Variants in SLC19A1 observed in about 807,000 individuals in gnomAD.
The protein encoded by SLC19A1 is solute carrier family 19 member 1.
A neutral mutation model predicts 35.3 loss-of-function variants in SLC19A1; 37 were observed. That is an observed-to-expected ratio of 1.05 (90% CI 0.81 to 1.38). The LOEUF is 1.38. Ranked by LOEUF, SLC19A1 falls within the 40% of genes most tolerant of loss-of-function variation. SLC19A1 has a pLI of 0.00. For synonymous variants in SLC19A1, 460 were observed against 398.5 expected (o/e 1.15, Z -1.84); for missense variants, 831 against 826.9 (o/e 1.00, Z -0.06).
intron 3 of SLC19A1, among the ~76,000 whole-genome samples, chr21:45,503,167 A>C (rs577249131): frequency 6.6e-6 from 1 of 152,296 alleles, no homozygotes; most frequent in South Asian, 2.1e-4. Context: ...CAATGGTTGA[A>C]CTAGTTTACA....
intron 2 of SLC19A1, among the ~76,000 whole-genome samples, chr21:45,536,941 C>T (rs1406211703): frequency 6.6e-6 from 1 of 152,188 alleles, no homozygotes; most frequent in African/African-American, 2.4e-5. Context: ...GCTTCGGATA[C>T]GGCCGCTCCC....
rs775144154 is a variant in SLC19A1, at chr21:45,531,904, C to A, written c.434G>T (p.Arg145Leu). ...GGCCACACGCTGGTAGCGCGCGGGC[C>A]GCACGAGAGAGAAGATGTAGGAGGA... ...AYSSYIFSLV[R>L]PARYQRVAGY... The change falls in exon 3 of 6, where the codon CGG becomes CTG. Residue 145 changes from arginine to leucine, a missense_variant. By Grantham distance (102) the Arg-to-Leu change is moderately radical. Transcript: ENST00000311124. 1.3e-6 allele frequency: 2 copies of A among 1,590,774 alleles called. No individual in the cohort carries two copies. Among genetic ancestry groups the A allele is most frequent in the Middle Eastern group, 1.7e-4 (1 of 6,034 alleles).
At chr21:45,556,956 G>A (rs765897438) in intron 1 of SLC19A1, among the ~76,000 whole-genome samples, 11 of 151,610 alleles carry the variant, frequency 7.3e-5, no homozygotes, top group East Asian at 1.9e-4. Context: ...CTGGGACGGC[G>A]ACTCAGATGC....
chr21:45,536,049 C>T (rs1036992621), intron 2 of SLC19A1: 4 of 340,762 alleles, frequency 1.2e-5, no homozygotes, highest in Admixed American at 6.1e-5. Flanking sequence ...AAGTTCTTGT[C>T]GGGCCCCAGG....
intron 1 of SLC19A1, among the ~76,000 whole-genome samples, chr21:45,549,506 T>G (rs1490921783): frequency 6.6e-6 from 1 of 150,496 alleles, no homozygotes; most frequent in African/African-American, 2.5e-5. Context: ...GGGAAAGGCC[T>G]GGAAGCAAGT....
At chr21:45,507,382 G>T in intron 3 of SLC19A1, 1 of 667,732 alleles carries the variant, frequency 1.5e-6, no homozygotes, top group Non-Finnish European at 2.7e-6. Context: ...AGGGCCGGGT[G>T]CTGGGCAGGG....
Position 45,505,281 on chromosome 21 carries a change from A to G in SLC19A1, c.498-6669T>C, listed in dbSNP as rs770631950. The G allele has an allele frequency of 5.6e-6, 9 of 1,607,470 alleles. No individual in the cohort carries two copies. The African/African-American group carries it at 9.4e-5, about 17-fold the overall frequency. On this transcript the variant is annotated intron_variant, in intron 3 of 4. Coordinates refer to the SLC19A1 transcript ENST00000417954. Reference sequence around the variant, plus strand: ...ATTTCCTGGCCCTCACAGGCAGAGTAAGTCAGTGGGGAGTGGGCCCCGGGC... The same window carrying G: ...ATTTCCTGGCCCTCACAGGCAGAGTGAGTCAGTGGGGAGTGGGCCCCGGGC...
Position 45,513,447 on chromosome 21 carries a change from GGT to G in SLC19A1, c.*2209_*2210del, listed in dbSNP as rs1158809706. 6.6e-6 allele frequency: 1 copy of G among 152,228 alleles called. No homozygotes were observed. Among genetic ancestry groups the G allele is most frequent in the Non-Finnish European group, 1.5e-5 (1 of 68,060 alleles). The allele number at this position is 152,228 out of a possible 1,614,324, so 9.4% of individuals were successfully genotyped here. A position where few individuals can be genotyped will look rare whatever the true frequency, so the allele number is the denominator to read the frequency against. ...CCTTGGGACTGAAGGGGAACCCCGG[GGT>G]GCCCACAGGCCGCCCTGCGGGTGAA... On this transcript the variant is annotated 3_prime_UTR_variant, in exon 6 of 6. Transcript: ENST00000311124.
intron 5 of SLC19A1, among the ~76,000 whole-genome samples, chr21:45,524,261 A>C (rs1362876642): frequency 4.0e-4 from 8 of 20,182 alleles, no homozygotes; most frequent in Admixed American, 6.0e-4. Flanking sequence ...GAGTGTTCAC[A>C]CCTGGGCCTC....
chr21:45,505,683 G>T (rs1266355903), intron 3 of SLC19A1, among the ~76,000 whole-genome samples: 1 of 152,162 alleles, frequency 6.6e-6, no homozygotes, highest in African/African-American at 2.4e-5. Flanking sequence ...GCAGGCAGGG[G>T]TCCCCATGGT....
intron 3 of SLC19A1, chr21:45,506,956 T>G: frequency 3.9e-6 from 1 of 254,566 alleles, no homozygotes; most frequent in East Asian, 1.0e-4. Context: ...GTGCCCACTG[T>G]GTGCCAGGTG....
rs1160502476 is a variant in SLC19A1 at position 45,514,603 on chromosome 21, C to G, written c.*1055G>C. 4 of 186,600 alleles carry G rather than the reference C, an allele frequency of 2.1e-5. No homozygotes were observed. Among genetic ancestry groups the G allele is most frequent in the Non-Finnish European group, 3.3e-5 (3 of 91,312 alleles). The allele number at this position is 186,600 out of a possible 1,614,324, so 11.6% of individuals were successfully genotyped here. ...TGCTCAGCTCATGGGCACCAAGGCCCTGCGTGGGCTGGAGGCGGGAGAAGG... is the reference window on the plus strand; with the variant it reads ...TGCTCAGCTCATGGGCACCAAGGCCGTGCGTGGGCTGGAGGCGGGAGAAGG... On this transcript the variant is annotated 3_prime_UTR_variant, in exon 6 of 6. Coordinates refer to ENST00000311124, the MANE Select transcript of SLC19A1 (RefSeq NM_194255.4).
intron 1 of SLC19A1, among the ~76,000 whole-genome samples, chr21:45,538,700 A>T (rs2078212609): frequency 6.6e-6 from 1 of 152,102 alleles, no homozygotes; most frequent in African/African-American, 2.4e-5. Context: ...GGAGGATGGG[A>T]TGGAGCCGAG....
At chr21:45,516,591 A>T (rs2037958681) in intron 5 of SLC19A1, among the ~76,000 whole-genome samples, 1 of 152,200 alleles carries the variant, frequency 6.6e-6, no homozygotes, top group East Asian at 1.9e-4. Context: ...AGCAACCCCC[A>T]GCAGCCTGCA....
chr21:45,553,244 G>A (rs1191246215), intron 1 of SLC19A1, among the ~76,000 whole-genome samples: 1 of 151,972 alleles, frequency 6.6e-6, no homozygotes, highest in African/African-American at 2.4e-5. Context: ...CCCTCCCACC[G>A]GCCTAAGGGG....
chr21:45,549,835 G>C (rs1030454631), intron 1 of SLC19A1, among the ~76,000 whole-genome samples: 8 of 151,106 alleles, frequency 5.3e-5, no homozygotes, highest in Admixed American at 5.3e-4. Context: ...GGAGGGGACA[G>C]CTGGGCGCAC....
At chr21:45,537,704 TATTCCAGAC>T in intron 2 of SLC19A1, 58 bp downstream of exon 2, 1 of 1,198,754 alleles carries the variant, frequency 8.3e-7, no homozygotes, top group South Asian at 1.7e-5. Flanking sequence ...CCCACGTGCC[TATTCCAGAC>T]GCTGCTCCCC....
At chr21:45,550,089 G>T (rs2078451004) in intron 1 of SLC19A1, among the ~76,000 whole-genome samples, 1 of 152,132 alleles carries the variant, frequency 6.6e-6, no homozygotes, top group Non-Finnish European at 1.5e-5. Context: ...GTGGGGGTCA[G>T]TGTGGGGTAC....
chr21:45,529,641 G>GGTGTGTCCATGTGTGAACGTGTGGT (rs2077781550), intron 4 of SLC19A1, among the ~76,000 whole-genome samples: 1 of 151,272 alleles, frequency 6.6e-6, no homozygotes, highest in African/African-American at 2.4e-5. Context: ...GTAAACGTGT[G>GGTGTGTCCATGTGTGAACGTGTGGT]GTGTGTCCAT....
Sources: allele counts gnomAD v4.1 joint callset (sites outside exome capture counted in the v4.1 genomes callset), GRCh38; gene constraint gnomAD v4.1.1; transcripts MANE v1.5; gene names NCBI Gene and HGNC (gene_info 2026-07-23, HGNC 2026-07-21).